USP16: variants seen among roughly 807,000 people sequenced by gnomAD.
USP16 encodes the protein ubiquitin carboxyl-terminal hydrolase 16.
In USP16, 77 loss-of-function variants were observed where a neutral mutation model predicts 95.9. That is an observed-to-expected ratio of 0.80 (90% CI 0.67 to 0.97). The LOEUF is 0.97. Among genes scored for constraint, USP16 ranks in the 50% least tolerant of loss-of-function variants. USP16 has a pLI of 0.00. For synonymous variants in USP16, 303 were observed against 318.2 expected, an observed-to-expected ratio of 0.95 and a Z score of 0.51; for missense variants, 943 against 959.9, an observed-to-expected ratio of 0.98 and a Z score of 0.23.
intron 14 of USP16, 135 bp downstream of exon 14, chr21:29,047,456 A>G: frequency 1.9e-6 from 2 of 1,032,372 alleles, no homozygotes; most frequent in East Asian, 5.3e-5. Context: ...ATATTTTAAT[A>G]GGATGGAAAA....
intron 10 of USP16, 30 bp downstream of exon 10, chr21:29,040,717 T>A: frequency 8.0e-7 from 1 of 1,242,876 alleles, no homozygotes; most frequent in Non-Finnish European, 1.2e-6. Context: ...ACTAAAACAC[T>A]ATAGTTGAAT....
At chr21:29,040,493 A>C (rs1025220301) in intron 9 of USP16, 116 bp from the exon 10 acceptor site, 1 of 350,188 alleles carries the variant, frequency 2.9e-6, no homozygotes, top group Admixed American at 5.0e-5. Context: ...TTTTGGAATT[A>C]TTTAGTAAAT....
chr21:29,043,463 C>T lies in USP16; in HGVS notation c.1220C>T (p.Thr407Ile). The T allele has an allele frequency of 2.6e-6, 4 of 1,565,248 alleles. No homozygotes were observed. Among genetic ancestry groups the T allele is most frequent in the South Asian group, 1.2e-5 (1 of 80,472 alleles). Residue 407 changes from threonine (T) to isoleucine (I), a missense_variant, in exon 13 of 18, where the codon ACA (threonine) becomes ATA (isoleucine). Thr to Ile is a moderately conservative substitution (Grantham distance 89). Coordinates refer to ENST00000399976, the MANE Select transcript of USP16 (RefSeq NM_006447.3). ...GTAAATGATAAAAATCTGAAAAAGA[C>T]AGTGGAGGATGAAGATCAAGATAGT... ...KSVNDKNLKK[T>I]VEDEDQDSEE...
chr21:29,054,023 G>T (rs2085457042), intron 17 of USP16, 43 bp from the exon 18 acceptor site: 2 of 1,613,550 alleles, frequency 1.2e-6, no homozygotes, highest in African/African-American at 1.3e-5. Context: ...TAATCAACTT[G>T]AATCTTTCCA....
chr21:29,030,723 G>T lies in USP16; in HGVS notation c.190G>T (p.Glu64Ter), dbSNP rs1466038348. The change falls in exon 3 of 18, where the codon GAA (glutamate) becomes TAA (stop). Residue 64 changes from glutamate (E) to a stop codon, truncating the protein, a stop_gained. Coordinates refer to ENST00000399976, the MANE Select transcript of USP16 (RefSeq NM_006447.3). LOFTEE classifies it high-confidence loss of function. ...TAAAGTGAAAGATAAAGCTGAAGAA[G>T]AAACAGAAGAAAAGCCTTCAGTTTG... The part of the protein sequence containing the change: ...DNKVKDKAEE[E>*]TEEKPSVWLC... 2 of 1,613,288 alleles carry T rather than the reference G, an allele frequency of 1.2e-6. No homozygotes were observed. Among genetic ancestry groups the T allele is most frequent in the African/African-American group, 1.3e-5 (1 of 74,884 alleles).
At chr21:29,030,991 T>G (rs2085068923) in intron 3 of USP16, among the ~76,000 whole-genome samples, 1 of 152,142 alleles carries the variant, frequency 6.6e-6, no homozygotes, top group African/African-American at 2.4e-5. Flanking sequence ...TAGGGAGAAG[T>G]TGAATGAAGA....
rs902949702 is a variant in USP16, at chr21:29,047,209, C to G, written c.1899C>G (p.Ile633Met). 2 of 1,614,120 alleles carry G rather than the reference C, an allele frequency of 1.2e-6. No individual in the cohort carries two copies. The highest frequency in any genetic ancestry group is 1.7e-6 in the Non-Finnish European group (2 of 1,180,026). The change falls in exon 14 of 18, where the codon ATC becomes ATG. Residue 633 changes from isoleucine (I) to methionine (M), a missense_variant. Ile to Met is a conservative substitution (Grantham distance 10). Coordinates refer to ENST00000399976, the MANE Select transcript of USP16 (RefSeq NM_006447.3). ...REVFNTDECS[I>M]QHCLYQFTRN... is the part of the protein sequence containing the mutation. ...TTTTCAATACTGATGAGTGTTCAAT[C>G]CAACATTGTTTATATCAGTTCACCC...
At chr21:29,043,644 T>C (rs769201232) in intron 13 of USP16, 45 bp downstream of exon 13, 1 of 1,449,258 alleles carries the variant, frequency 6.9e-7, no homozygotes, top group South Asian at 1.7e-5. Context: ...TTTTATATTT[T>C]GAGCTATTGA....
At position 29,054,020 on chromosome 21, in the gene USP16, C is replaced by T. The variant is rs778735959; in HGVS notation, c.2351-46C>T. 5 of 1,613,418 alleles carry T rather than the reference C, an allele frequency of 3.1e-6. No homozygotes were observed. The Admixed American group carries it at 5.0e-5, about 16-fold the overall frequency. On this transcript the variant is annotated intron_variant, in intron 17 of 17. Transcript: ENST00000399976. ...TACGGCAAAACCAAAAAGTAATCAA[C>T]TTGAATCTTTCCATTTATGTTTGAT...
intron 2 of USP16, 126 bp downstream of exon 2, chr21:29,028,100 A>G (rs2085021172): frequency 9.7e-6 from 7 of 720,006 alleles, no homozygotes; most frequent in Admixed American, 3.0e-5. Context: ...GTTTGTATCT[A>G]TATGTCATTT....
At position 29,027,869 on chromosome 21, in the gene USP16, C is replaced by T; in HGVS notation, c.-41-4C>T. The T allele has an allele frequency of 6.2e-7, 1 of 1,608,924 alleles. No homozygotes were observed. Reference sequence around the variant, plus strand: ...GGTCAAGCTAACTTTATCTTGTTTTCTAGATTGTTATTTTGTGTCAGTAAG... The same window carrying T: ...GGTCAAGCTAACTTTATCTTGTTTTTTAGATTGTTATTTTGTGTCAGTAAG... On this transcript the variant is annotated splice_polypyrimidine_tract_variant and splice_region_variant and intron_variant, in intron 1 of 17. Coordinates refer to ENST00000399976, the MANE Select transcript of USP16 (RefSeq NM_006447.3).
rs182005822 is a variant in USP16, at chr21:29,038,218, A to G, written c.637-117A>G. 3,324 of 646,994 alleles carry G rather than the reference A, an allele frequency of 5.1e-3. 12 individuals carry two copies. Among genetic ancestry groups the G allele is most frequent in the Non-Finnish European group, 7.0e-3 (2,614 of 376,030 alleles). The allele number at this position is 646,994 out of a possible 1,614,324, so 40.1% of individuals were successfully genotyped here. On this transcript the variant is annotated intron_variant, in intron 6 of 17. Transcript: ENST00000399976. ...ATCTGTAACTTTTCATTTTCCAAGT[A>G]TAGAGTTTTCAGTGTTGGTCATGAT...
chr21:29,039,635 C>A (rs1330968958), intron 9 of USP16, 67 bp downstream of exon 9: 3 of 1,460,302 alleles, frequency 2.1e-6, no homozygotes, highest in Non-Finnish European at 1.9e-6. Context: ...CATTTGATAT[C>A]TTACGAGTTA....
At chr21:29,024,995 C>T (rs1258661094) in intron 1 of USP16, 1 of 384,772 alleles carries the variant, frequency 2.6e-6, no homozygotes, top group Admixed American at 4.8e-5. Flanking sequence ...CTTCTCGACC[C>T]CGTGGACCCA....
At chr21:29,033,190 T>G (rs897445558) in intron 3 of USP16, among the ~76,000 whole-genome samples, 1 of 152,222 alleles carries the variant, frequency 6.6e-6, no homozygotes, top group Non-Finnish European at 1.5e-5. Context: ...ATGTCAGTAT[T>G]AACTGCTAAC....
chr21:29,026,194 C>T (rs1179593142), intron 1 of USP16, among the ~76,000 whole-genome samples: 1 of 152,152 alleles, frequency 6.6e-6, no homozygotes, highest in Non-Finnish European at 1.5e-5. Flanking sequence ...TGCTGTGGCT[C>T]ACGCCTGTAA....
At chr21:29,044,930 G>A (rs2085301258) in intron 13 of USP16, among the ~76,000 whole-genome samples, 1 of 152,166 alleles carries the variant, frequency 6.6e-6, no homozygotes, top group Non-Finnish European at 1.5e-5. Flanking sequence ...ATTTTGAGAA[G>A]AGGGATTGCA....
chr21:29,050,503 G>A (rs913667307), intron 16 of USP16, among the ~76,000 whole-genome samples: 1 of 152,234 alleles, frequency 6.6e-6, no homozygotes, highest in Non-Finnish European at 1.5e-5. Flanking sequence ...TAGGTCAGGA[G>A]TGGTATACAC....
chr21:29,035,661 G>A (rs1183087013), intron 4 of USP16, among the ~76,000 whole-genome samples: 2 of 152,034 alleles, frequency 1.3e-5, no homozygotes, highest in Non-Finnish European at 2.9e-5. Flanking sequence ...GGGATTACAG[G>A]CATGAGCCAC....
Sources: gnomAD v4.1 joint callset for allele counts (sites outside exome capture counted in the v4.1 genomes callset) on GRCh38, gnomAD v4.1.1 for gene constraint, MANE v1.5 for transcripts, NCBI Gene and HGNC (gene_info 2026-07-23, HGNC 2026-07-21) for gene names.